Variants in ACTR10 observed in about 807,000 individuals in gnomAD.
The protein encoded by ACTR10 is actin related protein 10, also known as actin-related protein 10.
A neutral mutation model predicts 56.2 loss-of-function variants in ACTR10; 43 were observed. That is an observed-to-expected ratio of 0.77 (90% CI 0.60 to 0.99). ACTR10 has a LOEUF of 0.99. Among genes scored for constraint, ACTR10 ranks in the 50% least tolerant of loss-of-function variants. The pLI is 0.00. For missense variants in ACTR10, 466 were observed against 507.8 expected (o/e 0.92, Z 0.79); for synonymous variants, 170 against 176.3 (o/e 0.96, Z 0.28).
intron 8 of ACTR10, among the ~76,000 whole-genome samples, chr14:58,220,104 A>G (rs1889227977): frequency 6.6e-6 from 1 of 152,212 alleles, no homozygotes; most frequent in Non-Finnish European, 1.5e-5. Flanking sequence ...CGGAATTGTG[A>G]CCAAAGTACT....
At chr14:58,217,853 A>G (rs560681206) in intron 7 of ACTR10, among the ~76,000 whole-genome samples, 17 of 152,356 alleles carry the variant, frequency 1.1e-4, no homozygotes, top group African/African-American at 3.8e-4. Flanking sequence ...TAACTCAAAA[A>G]GGCTAACCTA....
At chr14:58,206,222 C>G (rs907966830) in intron 2 of ACTR10, among the ~76,000 whole-genome samples, 4 of 151,572 alleles carry the variant, frequency 2.6e-5, no homozygotes, top group African/African-American at 7.3e-5. Flanking sequence ...ATCACCCAGG[C>G]AGGAGTGCAG....
At chr14:58,230,665 T>A (rs1889508579) in intron 11 of ACTR10, among the ~76,000 whole-genome samples, 185 bp downstream of exon 11, 1 of 152,208 alleles carries the variant, frequency 6.6e-6, no homozygotes, top group Non-Finnish European at 1.5e-5. Flanking sequence ...TTTTAAACTT[T>A]CATTTTAAAA....
intron 10 of ACTR10, among the ~76,000 whole-genome samples, chr14:58,229,711 C>T (rs936211701): frequency 2.0e-5 from 3 of 149,830 alleles, no homozygotes; most frequent in Middle Eastern, 3.5e-3. Flanking sequence ...ATTTTGGGTG[C>T]TCTTACTACT....
chr14:58,210,420 C>G lies in ACTR10; in HGVS notation c.343-872C>G, dbSNP rs949824134. ...CTAAGGTGGGAGGATTGCTTGAGCC[C>G]AGGAGGTCGAGGCTGCAGTGAGCTG... On this transcript the variant is annotated intron_variant, in intron 4 of 12. Transcript: ENST00000254286. Among the ~76,000 whole-genome samples the G allele has an allele frequency of 5.9e-5, 9 of 152,174 alleles. No homozygotes were observed. In the South Asian group the frequency reaches 1.9e-3, roughly 32 times the overall value.
Position 58,232,267 on chromosome 14 carries a change from G to C in ACTR10, c.1072G>C (p.Gly358Arg). Residue 358 changes from glycine (G) to arginine (R), a missense_variant and splice_region_variant, in exon 12 of 13, where the codon GGG (glycine) becomes CGG (arginine). Coordinates refer to ENST00000254286, the MANE Select transcript of ACTR10 (RefSeq NM_018477.3). ...AKANCVAWLGGAIFGALQDIL... is the reference protein window; with the variant it reads ...AKANCVAWLGRAIFGALQDIL... The stretch of plus-strand genomic sequence containing the variant: ...AGCTAATTGTGTGGCCTGGTTGGGA[G>C]GTAAGAATTTCACTTTTAAAATATA... 1 of 1,609,566 alleles carries C rather than the reference G, an allele frequency of 6.2e-7. No homozygotes were observed. The highest frequency in any genetic ancestry group is 8.5e-7 in the Non-Finnish European group (1 of 1,178,068).
intron 7 of ACTR10, among the ~76,000 whole-genome samples, chr14:58,216,675 T>A (rs36060901): frequency 0.38 from 57,229 of 152,064 alleles, 11,898 homozygotes; most frequent in Non-Finnish European, 0.48. Context: ...TTATTCTTTT[T>A]CTTTCCCTGG....
chr14:58,225,809 T>C (rs533963049), intron 10 of ACTR10, among the ~76,000 whole-genome samples: 86 of 151,708 alleles, frequency 5.7e-4, no homozygotes, highest in Admixed American at 3.4e-3. Flanking sequence ...TTCTCCTGGG[T>C]TCAAGCAATT....
chr14:58,223,882 A>C, intron 10 of ACTR10, 26 bp downstream of exon 10: 1 of 1,549,846 alleles, frequency 6.5e-7, no homozygotes, highest in Non-Finnish European at 8.8e-7. Flanking sequence ...TTTACGGCAA[A>C]GTAGTAAACT....
At chr14:58,229,514 TAA>T (rs954954046) in intron 10 of ACTR10, among the ~76,000 whole-genome samples, 12 of 151,658 alleles carry the variant, frequency 7.9e-5, no homozygotes, top group Non-Finnish European at 1.5e-5. Flanking sequence ...CCGTCTCTAC[TAA>T]AAATACAAAA....
intron 2 of ACTR10, among the ~76,000 whole-genome samples, chr14:58,203,453 A>C (rs1457185678): frequency 2.6e-5 from 4 of 152,110 alleles, no homozygotes. Flanking sequence ...GTACCACCAC[A>C]ATCCAGTTTT....
chr14:58,220,511 A>G (rs1447720530), intron 8 of ACTR10, among the ~76,000 whole-genome samples: 1 of 152,190 alleles, frequency 6.6e-6, no homozygotes, highest in East Asian at 1.9e-4. Flanking sequence ...ATCATTTGTA[A>G]TGCTTATTAC....
intron 7 of ACTR10, among the ~76,000 whole-genome samples, chr14:58,215,615 T>A (rs1416976832): frequency 6.6e-6 from 1 of 152,088 alleles, no homozygotes; most frequent in Non-Finnish European, 1.5e-5. Flanking sequence ...CTTTCTCTAC[T>A]TGTATTCGAC....
intron 1 of ACTR10, 102 bp downstream of exon 1, chr14:58,200,396 C>T: frequency 6.5e-6 from 6 of 916,346 alleles, no homozygotes; most frequent in Non-Finnish European, 7.4e-6. Flanking sequence ...TGGGCAGCTC[C>T]GGGCCTCCCC....
intron 11 of ACTR10, chr14:58,231,077 C>CCG (rs1555350881): frequency 2.9e-6 from 1 of 348,154 alleles, no homozygotes; most frequent in Non-Finnish European, 6.0e-6. Context: ...CTTTTTTTGA[C>CCG]AGTGTTGCTC....
chr14:58,204,408 G>A (rs1448474319), intron 2 of ACTR10, among the ~76,000 whole-genome samples: 2 of 151,584 alleles, frequency 1.3e-5, no homozygotes, highest in Admixed American at 6.6e-5. Context: ...AAATAAAATC[G>A]TGGAGGTGGT....
intron 2 of ACTR10, among the ~76,000 whole-genome samples, chr14:58,205,255 G>C (rs906782167): frequency 5.3e-5 from 8 of 149,984 alleles, no homozygotes; most frequent in African/African-American, 2.0e-4. Flanking sequence ...AAAAAAACAT[G>C]TTATAGCAGA....
At chr14:58,215,378 C>G (rs896274727) in intron 7 of ACTR10, 94 bp downstream of exon 7, 6 of 732,208 alleles carry the variant, frequency 8.2e-6, no homozygotes, top group South Asian at 1.9e-5. Flanking sequence ...TGATTATTCT[C>G]TTTTCTCCCC....
chr14:58,227,542 G>A (rs1483436886), intron 10 of ACTR10, among the ~76,000 whole-genome samples: 1 of 152,178 alleles, frequency 6.6e-6, no homozygotes, highest in African/African-American at 2.4e-5. Context: ...GTTAAGTTAT[G>A]TAATTTTAAT....
Sources: gnomAD v4.1 joint callset for allele counts (sites outside exome capture counted in the v4.1 genomes callset) on GRCh38, gnomAD v4.1.1 for gene constraint, MANE v1.5 for transcripts, NCBI Gene and HGNC (gene_info 2026-07-23, HGNC 2026-07-21) for gene names.